The following FAM53B variants were observed in gnomAD, a reference collection of about 807,000 sequenced individuals.
The protein encoded by FAM53B is protein FAM53B.
Under a neutral mutation model 32.7 loss-of-function variants are expected in FAM53B, and 12 were observed. The ratio of observed to expected loss-of-function variants is 0.37; its 90% CI spans 0.24 to 0.59. The LOEUF (loss-of-function observed/expected upper bound fraction) is 0.59. Ranked by LOEUF, FAM53B falls within the 20% of genes least tolerant of loss-of-function variation. FAM53B has a pLI of 0.72. For missense variants in FAM53B, 477 were observed against 577.7 expected (o/e 0.83, Z 1.79); for synonymous variants, 234 against 228.7 (o/e 1.02, Z -0.21).
intron 1 of FAM53B, among the ~76,000 whole-genome samples, chr10:124,715,659 C>A (rs190396955): frequency 6.6e-6 from 1 of 152,360 alleles, no homozygotes; most frequent in East Asian, 1.9e-4. Flanking sequence ...TGATGTCTAT[C>A]TGCTAAGTCA....
rs959534058 is a variant in FAM53B, at chr10:124,621,800, G to A, written c.*1442C>T. On this transcript the variant is annotated 3_prime_UTR_variant, in exon 5 of 5. Coordinates refer to ENST00000337318, the MANE Select transcript of FAM53B (RefSeq NM_014661.4). ...GACTACAAAAGTGCTTTGAACGCGC[G>A]TGTCAGCCAACACAAGGGAGCGCAC... The A allele has an allele frequency of 2.6e-5, 4 of 152,300 alleles. No individual in the cohort carries two copies. Among genetic ancestry groups the A allele is most frequent in the Non-Finnish European group, 4.4e-5 (3 of 68,052 alleles). The allele number at this position is 152,300 out of a possible 1,614,324, so 9.4% of individuals were successfully genotyped here. A position where few individuals can be genotyped will look rare whatever the true frequency, so the allele number is the denominator to read the frequency against.
At chr10:124,729,368 G>T (rs1469652993) in intron 1 of FAM53B, among the ~76,000 whole-genome samples, 1 of 152,180 alleles carries the variant, frequency 6.6e-6, no homozygotes, top group Non-Finnish European at 1.5e-5. Flanking sequence ...GCCTTTCAAG[G>T]CTATTCTTTT....
chr10:124,662,822 A>G (rs915306479), intron 4 of FAM53B, among the ~76,000 whole-genome samples: 16 of 152,134 alleles, frequency 1.1e-4, no homozygotes, highest in African/African-American at 3.6e-4. Flanking sequence ...AGATCCTGTC[A>G]ATCAATCGAT....
chr10:124,647,089 C>CA (rs1486427274), intron 4 of FAM53B, among the ~76,000 whole-genome samples: 1 of 152,190 alleles, frequency 6.6e-6, no homozygotes, highest in Non-Finnish European at 1.5e-5. Context: ...TGGTGAGCGG[C>CA]ACACACTGGG....
chr10:124,670,009 A>G (rs959531566), intron 4 of FAM53B, among the ~76,000 whole-genome samples: 25 of 152,162 alleles, frequency 1.6e-4, no homozygotes, highest in African/African-American at 6.0e-4. Context: ...CGCCCTGCAA[A>G]CACCGGCCCG....
intron 3 of FAM53B, among the ~76,000 whole-genome samples, chr10:124,695,543 G>A (rs1949862964): frequency 6.6e-6 from 1 of 152,080 alleles, no homozygotes. Context: ...AAAGAATTAG[G>A]CACTTACCTA....
At chr10:124,718,217 T>A (rs895583150) in intron 1 of FAM53B, among the ~76,000 whole-genome samples, 1 of 152,096 alleles carries the variant, frequency 6.6e-6, no homozygotes, top group Non-Finnish European at 1.5e-5. Context: ...AGAACTGCTA[T>A]AGGCACGAGA....
chr10:124,716,330 G>A (rs144017351), intron 1 of FAM53B, among the ~76,000 whole-genome samples: 82 of 152,306 alleles, frequency 5.4e-4, no homozygotes, highest in South Asian at 2.5e-3. Context: ...GCCCAGGCTC[G>A]CCTATGTGTC....
chr10:124,671,750 C>A (rs543155566), intron 4 of FAM53B, among the ~76,000 whole-genome samples: 1 of 152,108 alleles, frequency 6.6e-6, no homozygotes, highest in Non-Finnish European at 1.5e-5. Context: ...TTGCAACCAA[C>A]TGTTGCTTTT....
At chr10:124,686,921 G>A (rs1324184995) in intron 3 of FAM53B, among the ~76,000 whole-genome samples, 1 of 152,242 alleles carries the variant, frequency 6.6e-6, no homozygotes, top group Non-Finnish European at 1.5e-5. Flanking sequence ...ACTCAGCAAG[G>A]AGATGGGGTT....
intron 1 of FAM53B, among the ~76,000 whole-genome samples, chr10:124,722,095 TAGAA>T (rs1950071807): frequency 6.6e-6 from 1 of 152,312 alleles, no homozygotes; most frequent in Non-Finnish European, 1.5e-5. Context: ...TACAGCCAGA[TAGAA>T]GGAGTACGTT....
chr10:124,655,169 G>A (rs1027641414), intron 4 of FAM53B, among the ~76,000 whole-genome samples: 2 of 152,156 alleles, frequency 1.3e-5, no homozygotes, highest in African/African-American at 2.4e-5. Context: ...GCTGGAGAGG[G>A]TGGACTGACC....
intron 2 of FAM53B, among the ~76,000 whole-genome samples, chr10:124,699,205 G>A (rs752526233): frequency 6.6e-6 from 1 of 152,232 alleles, no homozygotes; most frequent in African/African-American, 2.4e-5. Context: ...AGCTTCTTGA[G>A]AAAGGAGGGC....
In FAM53B at chr10:124,731,716, C is replaced by T. The variant is rs572552637; in HGVS notation, c.-175+12297G>A. Among the ~76,000 whole-genome samples the T allele has an allele frequency of 7.2e-5, 11 of 152,144 alleles. No homozygotes were observed. In the East Asian group the frequency reaches 1.2e-3, roughly 16 times the overall value. ...CTCTCACAAGGCGGCTCCCTTCTAG[C>T]GTGCGGGATTCCAGTGAGGTGTGGC... On this transcript the variant is annotated intron_variant, in intron 1 of 4. Transcript: ENST00000337318.
rs541681607 is a variant in FAM53B, at chr10:124,733,090, G to A, written c.-175+10923C>T. Among the ~76,000 whole-genome samples, 3 of 152,310 alleles carry A rather than the reference G, an allele frequency of 2.0e-5. No individual in the cohort carries two copies. Among genetic ancestry groups the A allele is most frequent in the African/African-American group, 7.2e-5 (3 of 41,562 alleles). On this transcript the variant is annotated intron_variant, in intron 1 of 4. Transcript: ENST00000337318. The surrounding 1 kb of genome is among the most constrained non-coding windows in gnomAD (Gnocchi z 4.3). ...AATGAGATGAACAGAGAGGTTTACT[G>A]TTAAAATCAAAACCATCTGTGGCTA...
At chr10:124,671,342 G>C (rs1589745701) in intron 4 of FAM53B, among the ~76,000 whole-genome samples, 1 of 152,250 alleles carries the variant, frequency 6.6e-6, no homozygotes, top group South Asian at 2.1e-4. Flanking sequence ...CAGAAGTGCA[G>C]TCTCTGCCCT....
intron 1 of FAM53B, among the ~76,000 whole-genome samples, chr10:124,711,121 A>C (rs1215790531): frequency 6.6e-6 from 1 of 152,190 alleles, no homozygotes; most frequent in Non-Finnish European, 1.5e-5. Context: ...ACACTGTGGA[A>C]TACTACTCGG....
At chr10:124,648,834 C>T (rs1949537876) in intron 4 of FAM53B, among the ~76,000 whole-genome samples, 1 of 152,250 alleles carries the variant, frequency 6.6e-6, no homozygotes, top group Non-Finnish European at 1.5e-5. Flanking sequence ...TTGTGGGAAG[C>T]CGCCCTGAGA....
Position 124,651,121 on chromosome 10 carries a change from T to G in FAM53B, c.907-27517A>C, listed in dbSNP as rs551854741. Among the ~76,000 whole-genome samples the G allele has an allele frequency of 1.1e-3, 171 of 152,292 alleles. 5 individuals are homozygous for G. In the South Asian group the frequency reaches 0.033, roughly 30 times the overall value. On this transcript the variant is annotated intron_variant, in intron 4 of 4. Coordinates refer to ENST00000337318, the MANE Select transcript of FAM53B (RefSeq NM_014661.4). The surrounding 1 kb of genome is among the most constrained non-coding windows in gnomAD (Gnocchi z 5.2). ...GGCAGCAAGGCAGGGCCAGCTGCAC[T>G]CAGCACAGGGGCAAAGCCAAGCCTT...
Sources: allele counts gnomAD v4.1 joint callset (sites outside exome capture counted in the v4.1 genomes callset), GRCh38; gene constraint gnomAD v4.1.1; non-coding constraint Gnocchi (gnomAD v3.1); transcripts MANE v1.5; gene names NCBI Gene and HGNC (gene_info 2026-07-23, HGNC 2026-07-21).